DNAJC5B: variants seen among roughly 807,000 people sequenced by gnomAD.
DNAJC5B encodes the protein DnaJ heat shock protein family (Hsp40) member C5 beta, also known as dnaJ homolog subfamily C member 5B.
In DNAJC5B, 23 loss-of-function variants were observed where a neutral mutation model predicts 24.7. The observed-to-expected ratio is 0.93, with a 90% CI of 0.67 to 1.32. DNAJC5B has a LOEUF of 1.32. Among genes scored for constraint, DNAJC5B ranks in the 40% most tolerant of loss-of-function variants. The pLI, the probability that DNAJC5B is intolerant of heterozygous loss-of-function variation, is 0.00. For synonymous variants in DNAJC5B, 101 were observed against 90.1 expected, an observed-to-expected ratio of 1.12 and a Z score of -0.68; for missense variants, 238 against 240.8, an observed-to-expected ratio of 0.99 and a Z score of 0.08.
At chr8:66,036,020 G>C (rs898422561) in intron 1 of DNAJC5B, among the ~76,000 whole-genome samples, 15 of 152,212 alleles carry the variant, frequency 9.9e-5, no homozygotes, top group African/African-American at 3.6e-4. Context: ...AGATGCCCCT[G>C]TGGGTCAGAG....
intron 3 of DNAJC5B, among the ~76,000 whole-genome samples, chr8:66,055,708 G>C (rs1210547774): frequency 6.6e-6 from 1 of 152,162 alleles, no homozygotes; most frequent in Non-Finnish European, 1.5e-5. Flanking sequence ...GGAGGTCAAG[G>C]CGGGTGGATG....
chr8:66,087,411 C>T (rs995886788), intron 5 of DNAJC5B, among the ~76,000 whole-genome samples: 14 of 152,168 alleles, frequency 9.2e-5, no homozygotes, highest in African/African-American at 3.4e-4. Flanking sequence ...CCATATCATT[C>T]TGCCCCTGGC....
At chr8:66,090,205 G>T (rs901860748) in intron 5 of DNAJC5B, among the ~76,000 whole-genome samples, 3 of 151,228 alleles carry the variant, frequency 2.0e-5, no homozygotes, top group South Asian at 2.1e-4. Flanking sequence ...AGAGAGCCTT[G>T]TTTCATGGGA....
At chr8:66,073,796 C>T (rs1807404111) in intron 3 of DNAJC5B, among the ~76,000 whole-genome samples, 1 of 152,108 alleles carries the variant, frequency 6.6e-6, no homozygotes, top group Non-Finnish European at 1.5e-5. Flanking sequence ...TGAGATTAGA[C>T]ATCTACCCTC....
intron 1 of DNAJC5B, among the ~76,000 whole-genome samples, chr8:66,035,026 T>C (rs1447337141): frequency 6.6e-6 from 1 of 152,216 alleles, no homozygotes; most frequent in Non-Finnish European, 1.5e-5. Context: ...TATCGACATT[T>C]TTCATAAAAT....
At position 66,034,176 on chromosome 8, in the gene DNAJC5B, T is replaced by TTGTGTGTGTGTGTGTGTGTGTG. The variant is rs60916429; in HGVS notation, c.-141-9301_-141-9280dup. ...GAGTATTCTCTCTATTGTTGTTGTT[T>TTGTGTGTGTGTGTGTGTGTGTG]TGTGTGTGTGTGTGTGTGTGTGTGT... On this transcript the variant is annotated intron_variant, in intron 1 of 5. Coordinates refer to ENST00000276570, the MANE Select transcript of DNAJC5B (RefSeq NM_033105.6). Among the ~76,000 whole-genome samples, 116 of 144,292 alleles carry TTGTGTGTGTGTGTGTGTGTGTG rather than the reference T, an allele frequency of 8.0e-4. 1 individual carries two copies. The Middle Eastern group carries it at 0.011, about 14-fold the overall frequency. 94.7% of individuals were successfully genotyped at this position (144,292 alleles called of 152,430 possible). A position where few individuals can be genotyped will look rare whatever the true frequency, so the allele number is the denominator to read the frequency against.
intron 3 of DNAJC5B, among the ~76,000 whole-genome samples, chr8:66,076,046 A>C (rs1807454210): frequency 6.6e-6 from 1 of 152,242 alleles, no homozygotes; most frequent in Non-Finnish European, 1.5e-5. Context: ...TATGCCCACA[A>C]GAAAATTTCT....
intron 3 of DNAJC5B, among the ~76,000 whole-genome samples, chr8:66,059,133 C>CT (rs1366187851): frequency 2.0e-5 from 3 of 152,178 alleles, no homozygotes; most frequent in Non-Finnish European, 2.9e-5. Flanking sequence ...ATAAATCTGC[C>CT]TTTAGTATTG....
chr8:66,017,511 T>C (rs756531094), upstream of DNAJC5B, among the ~76,000 whole-genome samples: 1 of 152,248 alleles, frequency 6.6e-6, no homozygotes, highest in Non-Finnish European at 1.5e-5. Context: ...ATAAATAGTT[T>C]GGTTGGTAAA....
At chr8:66,069,405 G>A (rs543590232) in intron 3 of DNAJC5B, among the ~76,000 whole-genome samples, 1 of 152,192 alleles carries the variant, frequency 6.6e-6, no homozygotes, top group Admixed American at 6.5e-5. Flanking sequence ...AAAGAAAGCT[G>A]TATAGCTTTA....
At chr8:66,084,287 A>T (rs1219136840) in intron 5 of DNAJC5B, among the ~76,000 whole-genome samples, 5 of 152,206 alleles carry the variant, frequency 3.3e-5, no homozygotes, top group Non-Finnish European at 7.3e-5. Context: ...CACTTGAAAG[A>T]GTCTACTAGC....
intron 3 of DNAJC5B, among the ~76,000 whole-genome samples, chr8:66,059,530 T>C (rs1387294748): frequency 2.0e-5 from 3 of 152,148 alleles, no homozygotes; most frequent in Non-Finnish European, 4.4e-5. Flanking sequence ...GATTGAACAA[T>C]TGGGGAGATG....
chr8:66,065,021 A>T (rs1351207368), intron 3 of DNAJC5B, among the ~76,000 whole-genome samples: 2 of 152,218 alleles, frequency 1.3e-5, no homozygotes, highest in East Asian at 3.8e-4. Context: ...AATTCCTCAT[A>T]AAGTCAAGTT....
At chr8:66,073,077 A>C (rs996555459) in intron 3 of DNAJC5B, among the ~76,000 whole-genome samples, 4 of 152,156 alleles carry the variant, frequency 2.6e-5, no homozygotes, top group African/African-American at 9.7e-5. Context: ...TAAGGATTCG[A>C]AGGGAAAAAA....
At chr8:66,077,700 C>A (rs6990045) in intron 4 of DNAJC5B, among the ~76,000 whole-genome samples, 48,681 of 152,022 alleles carry the variant, frequency 0.32, 11,675 homozygotes, top group African/African-American at 0.67. Flanking sequence ...GGCAGGTTTA[C>A]TAGTAGTATC....
In DNAJC5B at chr8:66,099,971, T is replaced by G. The variant is rs766514646; in HGVS notation, c.540T>G (p.Asn180Lys). 25 of 1,614,016 alleles carry G rather than the reference T, an allele frequency of 1.5e-5. No homozygotes were observed. In the South Asian group the frequency reaches 2.5e-4, roughly 16 times the overall value. ...VDFPVFLQPTNANEKTQLIKE... is the reference protein window; with the variant it reads ...VDFPVFLQPTKANEKTQLIKE... Reference sequence around the variant, plus strand: ...TTCCAGTTTTTCTCCAGCCTACAAATGCAAATGAGAAAACACAGCTAATCA... The same window carrying G: ...TTCCAGTTTTTCTCCAGCCTACAAAGGCAAATGAGAAAACACAGCTAATCA... Residue 180 changes from asparagine to lysine, a missense_variant, in exon 6 of 6, where the codon AAT becomes AAG. By Grantham distance (94) the Asn-to-Lys change is moderately conservative. Coordinates refer to ENST00000276570, the MANE Select transcript of DNAJC5B (RefSeq NM_033105.6).
At chr8:66,088,773 A>C (rs915696531) in intron 5 of DNAJC5B, among the ~76,000 whole-genome samples, 5 of 152,162 alleles carry the variant, frequency 3.3e-5, no homozygotes, top group African/African-American at 1.2e-4. Context: ...TTCAGTTCCC[A>C]ACAAGTTCCT....
intron 1 of DNAJC5B, among the ~76,000 whole-genome samples, chr8:66,035,074 C>G (rs937085782): frequency 2.0e-5 from 3 of 152,146 alleles, no homozygotes; most frequent in Admixed American, 6.5e-5. Context: ...GAAAGAGAGC[C>G]ACACATTGCT....
chr8:66,068,249 G>C (rs1024316509), intron 3 of DNAJC5B, among the ~76,000 whole-genome samples: 23 of 152,230 alleles, frequency 1.5e-4, no homozygotes, highest in African/African-American at 5.3e-4. Flanking sequence ...GAGAATTTTA[G>C]ACATTTGAAT....
Sources: gnomAD v4.1 joint callset for allele counts (sites outside exome capture counted in the v4.1 genomes callset) on GRCh38, gnomAD v4.1.1 for gene constraint, MANE v1.5 for transcripts, NCBI Gene and HGNC (gene_info 2026-07-23, HGNC 2026-07-21) for gene names.